PRC1: variants seen among roughly 807,000 people sequenced by gnomAD.
PRC1 encodes the protein protein regulator of cytokinesis 1.
Under a neutral mutation model 91.2 loss-of-function variants are expected in PRC1, and 54 were observed. That is an observed-to-expected ratio of 0.59 (90% confidence interval 0.48 to 0.74). The LOEUF (loss-of-function observed/expected upper bound fraction) is 0.74. Among genes scored for constraint, PRC1 ranks in the 30% least tolerant of loss-of-function variants. The pLI, the probability that PRC1 is intolerant of heterozygous loss-of-function variation, is 0.00. For missense variants in PRC1, 727 were observed against 746.2 expected (o/e 0.97, Z 0.30); for synonymous variants, 275 against 263.6 (o/e 1.04, Z -0.42).
chr15:90,993,639 G>T (rs1383931779), intron 1 of PRC1, among the ~76,000 whole-genome samples: 1 of 152,112 alleles, frequency 6.6e-6, no homozygotes, highest in Non-Finnish European at 1.5e-5. Flanking sequence ...GTCTGGTCCC[G>T]ATTTCAAGTC....
chr15:90,975,401 G>T (rs532847179), intron 9 of PRC1, among the ~76,000 whole-genome samples: 26 of 152,276 alleles, frequency 1.7e-4, no homozygotes, highest in Admixed American at 3.9e-4. Flanking sequence ...TAATTTCTTA[G>T]TACCTCAGTT....
intron 14 of PRC1, chr15:90,968,867 C>T: frequency 1.5e-6 from 2 of 1,369,970 alleles, no homozygotes; most frequent in Non-Finnish European, 1.9e-6. Flanking sequence ...ACTTTAGGGG[C>T]TGAGAATCCA....
chr15:90,990,392 T>A (rs1006782364), intron 1 of PRC1, among the ~76,000 whole-genome samples: 19 of 52,396 alleles, frequency 3.6e-4, no homozygotes, highest in African/African-American at 2.2e-3. Flanking sequence ...AAATAAATAA[T>A]TTTTTTTTTT....
Position 90,980,875 on chromosome 15 carries a change from G to A in PRC1, c.822+9C>T. 1 of 1,614,198 alleles carries A rather than the reference G, an allele frequency of 6.2e-7. No individual in the cohort carries two copies. The highest frequency in any genetic ancestry group is 8.5e-7 in the Non-Finnish European group (1 of 1,180,028). ...AGACTGCTGACCCAGTACCCACTGGGTTTCTTACCGCTTTCCGGACCTTGG... is the reference window on the plus strand; with the variant it reads ...AGACTGCTGACCCAGTACCCACTGGATTTCTTACCGCTTTCCGGACCTTGG... On this transcript the variant is annotated intron_variant, in intron 6 of 14. Coordinates refer to ENST00000394249, the MANE Select transcript of PRC1 (RefSeq NM_003981.4).
intron 11 of PRC1, among the ~76,000 whole-genome samples, chr15:90,973,464 T>C (rs1237361352): frequency 6.6e-6 from 1 of 152,192 alleles, no homozygotes; most frequent in African/African-American, 2.4e-5. Context: ...TGAGACAGCC[T>C]GAGATATGGC....
Position 90,976,656 on chromosome 15 carries a change from A to T in PRC1, c.1203+20T>A. The T allele has an allele frequency of 6.4e-7, 1 of 1,566,352 alleles. No individual in the cohort carries two copies. ...GTATCTTTGTAACCAAGCATCAAAA[A>T]CCCTTAGCAACATTATTACCTTGGG... On this transcript the variant is annotated intron_variant, in intron 9 of 14. Coordinates refer to ENST00000394249, the MANE Select transcript of PRC1 (RefSeq NM_003981.4).
chr15:90,975,868 G>C (rs1273303364), intron 9 of PRC1, among the ~76,000 whole-genome samples: 1 of 152,104 alleles, frequency 6.6e-6, no homozygotes, highest in Non-Finnish European at 1.5e-5. Flanking sequence ...CATTAGGTGG[G>C]CCCTAATCTC....
intron 8 of PRC1, chr15:90,977,378 G>A (rs2038811257): frequency 6.6e-6 from 1 of 151,966 alleles, no homozygotes; most frequent in Admixed American, 6.6e-5. Flanking sequence ...TTATAAATTA[G>A]GTGTGTATAC....
In PRC1 at chr15:90,967,079, T is replaced by G. The variant is rs1013120505; in HGVS notation, c.*52A>C. 6 of 1,506,466 alleles carry G rather than the reference T, an allele frequency of 4.0e-6. No individual in the cohort carries two copies. In the African/African-American group the frequency reaches 6.9e-5, roughly 17 times the overall value. 93.3% of individuals were successfully genotyped at this position (1,506,466 alleles called of 1,614,324 possible). On this transcript the variant is annotated 3_prime_UTR_variant, in exon 15 of 15. Transcript: ENST00000394249. Reference sequence around the variant, plus strand: ...AAAACTAAAGTCACCCCCATATAATTAGGTCCAGTCTAGGCACAGGAAGCC... The same window carrying G: ...AAAACTAAAGTCACCCCCATATAATGAGGTCCAGTCTAGGCACAGGAAGCC...
chr15:90,967,836 C>T (rs1177809374), intron 14 of PRC1: 1 of 985,152 alleles, frequency 1.0e-6, no homozygotes, highest in African/African-American at 1.7e-5. Context: ...CGAGGCATGA[C>T]TCTACTTCAC....
chr15:90,967,666 TTC>T (rs1284916835), intron 14 of PRC1: 1 of 278,984 alleles, frequency 3.6e-6, no homozygotes, highest in Non-Finnish European at 5.5e-6. Context: ...GCCTACAGTA[TTC>T]TTTCTGTAAC....
intron 1 of PRC1, among the ~76,000 whole-genome samples, chr15:90,986,325 C>T (rs1403439073): frequency 6.6e-6 from 1 of 152,178 alleles, no homozygotes; most frequent in African/African-American, 2.4e-5. Context: ...TGCACTAATG[C>T]AGCAATGAAA....
chr15:90,972,194 A>T (rs2038200591), intron 11 of PRC1, among the ~76,000 whole-genome samples: 1 of 146,638 alleles, frequency 6.8e-6, no homozygotes. Flanking sequence ...TCAAAAAAAA[A>T]AAAAAAAAAA....
At position 90,968,028 on chromosome 15, in the gene PRC1, CTAT is replaced by C. The variant is rs1289094663; in HGVS notation, c.1792-829_1792-827del. 1.0e-5 allele frequency: 10 copies of C among 985,044 alleles called. No homozygotes were observed. The Admixed American group carries it at 6.2e-4, about 61-fold the overall frequency. 61.0% of individuals were successfully genotyped at this position (985,044 alleles called of 1,614,324 possible). A position where few individuals can be genotyped will look rare whatever the true frequency, so the allele number is the denominator to read the frequency against. ...GCAGCAAAAGATAAAGCATGAATGGCTATTGAGAAAGACAGATATTAGCAGAGG... is the reference window on the plus strand; with the variant it reads ...GCAGCAAAAGATAAAGCATGAATGGCTGAGAAAGACAGATATTAGCAGAGG... On this transcript the variant is annotated intron_variant, in intron 14 of 14. Transcript: ENST00000394249.
chr15:90,981,466 G>C, intron 5 of PRC1, 33 bp downstream of exon 5: 3 of 1,611,358 alleles, frequency 1.9e-6, no homozygotes, highest in Non-Finnish European at 2.5e-6. Context: ...ATATACTACG[G>C]AGATCCTAGG....
At position 90,981,830 on chromosome 15, in the gene PRC1, T is replaced by C. The variant is rs772041722; in HGVS notation, c.419A>G (p.Tyr140Cys). ...ELCEILCMPH[Y>C]DIDSASVPSL... Reference sequence around the variant, plus strand: ...GGGCACTGAGGCACTGTCAATATCATAGTGGGGCATACAAAGAATTTCGCA... The same window carrying C: ...GGGCACTGAGGCACTGTCAATATCACAGTGGGGCATACAAAGAATTTCGCA... The change falls in exon 4 of 15, where the codon TAT (tyrosine) becomes TGT (cysteine). Residue 140 changes from tyrosine (Y) to cysteine (C), a missense_variant. Coordinates refer to ENST00000394249, the MANE Select transcript of PRC1 (RefSeq NM_003981.4). The C allele has an allele frequency of 3.2e-5, 52 of 1,614,234 alleles. No individual in the cohort carries two copies. In the South Asian group the frequency reaches 4.5e-4, roughly 14 times the overall value.
At chr15:90,988,294 A>G (rs1191188121) in intron 1 of PRC1, 2 of 152,198 alleles carry the variant, frequency 1.3e-5, no homozygotes, top group Non-Finnish European at 2.9e-5. Flanking sequence ...CCTGGCTTCC[A>G]GACAGGCCAG....
chr15:90,974,158 T>C lies in PRC1; in HGVS notation c.1439A>G (p.Asn480Ser), dbSNP rs373743742. 1.1e-5 allele frequency: 18 copies of C among 1,614,012 alleles called. No homozygotes were observed. The South Asian group carries it at 1.3e-4, about 12-fold the overall frequency. The change falls in exon 11 of 15, where the codon AAT becomes AGT. Residue 480 changes from asparagine (N) to serine (S), a missense_variant. Asn to Ser is a conservative substitution (Grantham distance 46). Transcript: ENST00000394249. The surrounding 1 kb of genome is among the most constrained non-coding windows in gnomAD (Gnocchi z 4.6). ...TACCTTACGTGCTTTGCCCGGTGTA[T>C]TGGGAGCCAGTCCTCGCCGCTTGCT... is the stretch of plus-strand genomic sequence containing the variant. The part of the protein sequence containing the change: ...TPSKRRGLAP[N>S]TPGKARKLNT...
rs371177399 is a variant in PRC1, at chr15:90,967,300, G to T, written c.1792-98C>A. 5.9e-6 allele frequency: 6 copies of T among 1,009,982 alleles called. No homozygotes were observed. In the African/African-American group the frequency reaches 6.4e-5, roughly 11 times the overall value. The allele number at this position is 1,009,982 out of a possible 1,614,324, so 62.6% of individuals were successfully genotyped here. The stretch of plus-strand genomic sequence containing the variant: ...AAGTGTCAGCAAAAGGTCCCTTGAA[G>T]GTAGTTTCTCTGAGATCCCTAGCCT... On this transcript the variant is annotated intron_variant, in intron 14 of 14. Coordinates refer to ENST00000394249, the MANE Select transcript of PRC1 (RefSeq NM_003981.4).
Sources: allele counts gnomAD v4.1 joint callset (sites outside exome capture counted in the v4.1 genomes callset), GRCh38; gene constraint gnomAD v4.1.1; non-coding constraint Gnocchi (gnomAD v3.1); transcripts MANE v1.5; gene names NCBI Gene and HGNC (gene_info 2026-07-23, HGNC 2026-07-21).